The following PRKCG variants were observed in gnomAD, a reference collection of about 807,000 sequenced individuals.
The protein encoded by PRKCG is protein kinase C gamma.
In PRKCG, 28 loss-of-function variants were observed where a neutral mutation model predicts 82.0. The observed-to-expected ratio is 0.34, with a 90% CI of 0.25 to 0.47. The LOEUF (loss-of-function observed/expected upper bound fraction) is 0.47, where lower values mean the gene tolerates loss of function less well. Ranked by LOEUF, PRKCG falls within the 20% of genes least tolerant of loss-of-function variation. The probability of loss-of-function intolerance (pLI) is 1.00; values close to 1 mark genes in which losing one functional copy is unlikely to be tolerated. For missense variants in PRKCG, 640 were observed against 952.7 expected, an observed-to-expected ratio of 0.67 and a Z score of 4.32; for synonymous variants, 383 against 376.6, an observed-to-expected ratio of 1.02 and a Z score of -0.20.
intron 9 of PRKCG, among the ~76,000 whole-genome samples, chr19:53,894,300 G>C (rs903476253): frequency 6.0e-5 from 9 of 151,102 alleles, no homozygotes; most frequent in Non-Finnish European, 8.9e-5. Flanking sequence ...CTCCTGACCT[G>C]GTGATCCACC....
At chr19:53,903,220 G>A in intron 15 of PRKCG, 67 bp downstream of exon 15, 3 of 1,302,906 alleles carry the variant, frequency 2.3e-6, no homozygotes, top group South Asian at 2.4e-5. Context: ...GATCTCAGGA[G>A]GAGCCAGTTA....
At position 53,884,009 on chromosome 19, in the gene PRKCG, T is replaced by TCTCTCTGTTGGA. The variant is rs1470014754; in HGVS notation, c.203-143_203-132dup. The TCTCTCTGTTGGA allele has an allele frequency of 2.4e-5, 18 of 760,656 alleles. No homozygotes were observed. The African/African-American group carries it at 3.0e-4, about 12-fold the overall frequency. 47.1% of individuals were successfully genotyped at this position (760,656 alleles called of 1,614,324 possible). ...TGCTTCTCTCTCTGGCCTCCGATTTTCTCTCTGTTGGACTCTCTGTGTTGA... is the reference window on the plus strand; with the variant it reads ...TGCTTCTCTCTCTGGCCTCCGATTTTCTCTCTGTTGGACTCTCTGTTGGACTCTCTGTGTTGA... On this transcript the variant is annotated intron_variant, in intron 2 of 17. Coordinates refer to ENST00000263431, the MANE Select transcript of PRKCG (RefSeq NM_002739.5). The surrounding 1 kb of genome is among the most constrained non-coding windows in gnomAD (Gnocchi z 4.6).
In PRKCG at chr19:53,889,944, G is replaced by T; in HGVS notation, c.456G>T (p.Val152=). Residue 152 remains valine, a synonymous_variant, in exon 5 of 18, where the codon GTG becomes GTT. Transcript: ENST00000263431. The surrounding 1 kb of genome is among the most constrained non-coding windows in gnomAD (Gnocchi z 4.4). ...GTAGCGTGCCCTCCCTGTGCGGTGTGGACCACACCGAGCGCCGCGGGCGCC... is the reference window on the plus strand; with the variant it reads ...GTAGCGTGCCCTCCCTGTGCGGTGTTGACCACACCGAGCGCCGCGGGCGCC... ...CVRSVPSLCG[V]DHTERRGRLQ... 1.3e-6 allele frequency: 2 copies of T among 1,579,856 alleles called. No individual in the cohort carries two copies. The highest frequency in any genetic ancestry group is 1.7e-6 in the Non-Finnish European group (2 of 1,164,028).
At chr19:53,905,198 C>T (rs2068792657) in intron 16 of PRKCG, among the ~76,000 whole-genome samples, 1 of 152,174 alleles carries the variant, frequency 6.6e-6, no homozygotes, top group African/African-American at 2.4e-5. Flanking sequence ...TCTAGCTGCT[C>T]TCTCTGCATC....
chr19:53,893,896 G>C (rs1361959810), intron 9 of PRKCG, among the ~76,000 whole-genome samples: 1 of 151,740 alleles, frequency 6.6e-6, no homozygotes, highest in African/African-American at 2.4e-5. Context: ...TGGGATTACA[G>C]GTGACCGCCA....
At chr19:53,894,020 G>T (rs1219485977) in intron 9 of PRKCG, among the ~76,000 whole-genome samples, 1 of 151,966 alleles carries the variant, frequency 6.6e-6, no homozygotes, top group Non-Finnish European at 1.5e-5. Flanking sequence ...GCCTCCCAAA[G>T]TGCTGGGATT....
In PRKCG at chr19:53,882,546, C is replaced by T. The variant is rs373811855; in HGVS notation, c.52C>T (p.Leu18=). ...CGATTCAGAGGGGGGACCCCGGCCC[C>T]TGTTTTGCAGAAAGGGGGCCCTGAG... ...VGDSEGGPRP[L]FCRKGALRQK... The change falls in exon 1 of 18, where the codon CTG becomes TTG. Residue 18 remains leucine (L), a synonymous_variant. Transcript: ENST00000263431. This position sits in a 1 kb window ranked among gnomAD's most constrained non-coding sequence, Gnocchi z 6.1. 2 of 1,614,078 alleles carry T rather than the reference C, an allele frequency of 1.2e-6. No individual in the cohort carries two copies. The highest frequency in any genetic ancestry group is 1.7e-5 in the Admixed American group (1 of 59,998).
Position 53,892,795 on chromosome 19 carries a change from C to CACACAA in PRKCG, c.821+156_821+157insAAACAC. 8.5e-7 allele frequency: 1 copy of CACACAA among 1,183,220 alleles called. No individual in the cohort carries two copies. The highest frequency in any genetic ancestry group is 1.2e-6 in the Non-Finnish European group (1 of 837,246). 73.3% of individuals were successfully genotyped at this position (1,183,220 alleles called of 1,614,324 possible). On this transcript the variant is annotated intron_variant, in intron 7 of 17. Coordinates refer to ENST00000263431, the MANE Select transcript of PRKCG (RefSeq NM_002739.5). This position sits in a 1 kb window ranked among gnomAD's most constrained non-coding sequence, Gnocchi z 5.9. The stretch of plus-strand genomic sequence containing the variant: ...ACACACACACACGCACACACACGCA[C>CACACAA]ACACCCCTCTCTCTCTATTCTTCTC...
chr19:53,900,863 G>A lies in PRKCG; in HGVS notation c.1575+114G>A. ...ACCCTCAGACCTTGTCATGAGTTGT[G>A]GCCTTCTTACACAGCCAGTCGTTCC... is the stretch of plus-strand genomic sequence containing the variant. On this transcript the variant is annotated intron_variant, in intron 14 of 17. Coordinates refer to ENST00000263431, the MANE Select transcript of PRKCG (RefSeq NM_002739.5). The surrounding 1 kb of genome is among the most constrained non-coding windows in gnomAD (Gnocchi z 4.2). 6.4e-7 allele frequency: 1 copy of A among 1,553,448 alleles called. No homozygotes were observed. Among genetic ancestry groups the A allele is most frequent in the Non-Finnish European group, 8.8e-7 (1 of 1,136,774 alleles).
rs1186775040 is a variant in PRKCG at position 53,906,022 on chromosome 19, T to C, written c.1765-295T>C. On this transcript the variant is annotated intron_variant, in intron 16 of 17. Coordinates refer to ENST00000263431, the MANE Select transcript of PRKCG (RefSeq NM_002739.5). ...CTCTCTCTGTCTCGCTCTCTGTCTG[T>C]CTCCCTCCTCCTCCTCCTCCCTCCT... Among the ~76,000 whole-genome samples, 113 of 85,482 alleles carry C rather than the reference T, an allele frequency of 1.3e-3. 3 individuals carry two copies. Among genetic ancestry groups the C allele is most frequent in the African/African-American group, 7.2e-3 (109 of 15,096 alleles). 56.1% of individuals were successfully genotyped at this position (85,482 alleles called of 152,430 possible).
chr19:53,889,954 G>T lies in PRKCG; in HGVS notation c.466G>T (p.Glu156Ter). The change falls in exon 5 of 18, where the codon GAG becomes TAG. Residue 156 changes from glutamate (E) to a stop codon, truncating the protein, a stop_gained. Transcript: ENST00000263431. LOFTEE classifies it high-confidence loss of function. This position sits in a 1 kb window ranked among gnomAD's most constrained non-coding sequence, Gnocchi z 4.4. ...VPSLCGVDHTERRGRLQLEIR... is the reference protein window; with the variant it reads ...VPSLCGVDHT ...CTCCCTGTGCGGTGTGGACCACACCGAGCGCCGCGGGCGCCTGCAGCTGGA... is the reference window on the plus strand; with the variant it reads ...CTCCCTGTGCGGTGTGGACCACACCTAGCGCCGCGGGCGCCTGCAGCTGGA... 6.3e-7 allele frequency: 1 copy of T among 1,577,080 alleles called. No individual in the cohort carries two copies. Among genetic ancestry groups the T allele is most frequent in the East Asian group, 2.3e-5 (1 of 42,580 alleles).
At position 53,883,166 on chromosome 19, in the gene PRKCG, T is replaced by C. The variant is rs751478905; in HGVS notation, c.174T>C (p.Gly58=). The stretch of plus-strand genomic sequence containing the variant: ...CTAGGATCCCTGACTCTTCCAGGGG[T>C]ATCGGAAAGCAGGGCCTGCAATGTC... ...FCSHCTDFIW[G]IGKQGLQCQV... is the part of the protein sequence containing the mutation. Residue 58 remains glycine, a synonymous_variant, in exon 2 of 18, where the codon GGT becomes GGC. Coordinates refer to ENST00000263431, the MANE Select transcript of PRKCG (RefSeq NM_002739.5). This position sits in a 1 kb window ranked among gnomAD's most constrained non-coding sequence, Gnocchi z 5.4. 9 of 1,613,234 alleles carry C rather than the reference T, an allele frequency of 5.6e-6. No homozygotes were observed. The highest frequency in any genetic ancestry group is 2.2e-5 in the South Asian group (2 of 91,038).
chr19:53,886,319 T>TG (rs2068631094), intron 3 of PRKCG, among the ~76,000 whole-genome samples: 1 of 151,972 alleles, frequency 6.6e-6, no homozygotes, highest in Non-Finnish European at 1.5e-5. Context: ...CTGGCCAAGC[T>TG]GGTCTTGCTC....
In PRKCG at chr19:53,906,746, C is replaced by T. The variant is rs2068815211; in HGVS notation, c.1945C>T (p.Arg649Trp). Residue 649 changes from arginine (R) to tryptophan (W), a missense_variant, in exon 18 of 18, where the codon CGG becomes TGG. Arg to Trp is a moderately radical substitution (Grantham distance 101). Coordinates refer to ENST00000263431, the MANE Select transcript of PRKCG (RefSeq NM_002739.5). ...SGENFDKFFT[R>W]AAPALTPPDR... is the part of the protein sequence containing the mutation. Reference sequence around the variant, plus strand: ...CGAGAACTTTGACAAGTTCTTCACGCGGGCGGCGCCAGCGCTGACCCCTCC... The same window carrying T: ...CGAGAACTTTGACAAGTTCTTCACGTGGGCGGCGCCAGCGCTGACCCCTCC... The T allele has an allele frequency of 6.2e-7, 1 of 1,613,276 alleles. No individual in the cohort carries two copies. Among genetic ancestry groups the T allele is most frequent in the Non-Finnish European group, 8.5e-7 (1 of 1,180,026 alleles).
chr19:53,882,328 C>T lies in PRKCG; in HGVS notation c.-167C>T. On this transcript the variant is annotated 5_prime_UTR_variant, in exon 1 of 18. Coordinates refer to ENST00000263431, the MANE Select transcript of PRKCG (RefSeq NM_002739.5). The surrounding 1 kb of genome is among the most constrained non-coding windows in gnomAD (Gnocchi z 6.1). ...GGCGGAGCCGGCGCGCCCGGGGTGC[C>T]GCTCCCTGCCTGGCGCGCTCCGCAC... is the stretch of plus-strand genomic sequence containing the variant. 2 of 1,032,268 alleles carry T rather than the reference C, an allele frequency of 1.9e-6. No individual in the cohort carries two copies. The highest frequency in any genetic ancestry group is 2.5e-5 in the Admixed American group (1 of 39,818). The allele number at this position is 1,032,268 out of a possible 1,614,324, so 63.9% of individuals were successfully genotyped here. A position where few individuals can be genotyped will look rare whatever the true frequency, so the allele number is the denominator to read the frequency against.
intron 16 of PRKCG, among the ~76,000 whole-genome samples, chr19:53,905,931 TCTCA>T (rs1568763505): frequency 7.0e-6 from 1 of 142,874 alleles, no homozygotes; most frequent in African/African-American, 2.7e-5. Flanking sequence ...TCTCTCTCTC[TCTCA>T]CTCACTCTCA....
At chr19:53,903,857 T>C (rs1455006063) in intron 15 of PRKCG, among the ~76,000 whole-genome samples, 2 of 152,216 alleles carry the variant, frequency 1.3e-5, no homozygotes, top group African/African-American at 2.4e-5. Context: ...TGTCTAAATA[T>C]TTAAAATTGG....
At position 53,900,553 on chromosome 19, in the gene PRKCG, T is replaced by C. The variant is rs1051249601; in HGVS notation, c.1437-58T>C. 1 of 1,614,094 alleles carries C rather than the reference T, an allele frequency of 6.2e-7. No individual in the cohort carries two copies. The highest frequency in any genetic ancestry group is 8.5e-7 in the Non-Finnish European group (1 of 1,180,048). ...GGGAAGGGATTTGAATATGTGGCTC[T>C]AGACTGCTGAACTCAACACTTCTTG... On this transcript the variant is annotated intron_variant, in intron 13 of 17. Coordinates refer to ENST00000263431, the MANE Select transcript of PRKCG (RefSeq NM_002739.5). The surrounding 1 kb of genome is among the most constrained non-coding windows in gnomAD (Gnocchi z 4.2).
At position 53,898,177 on chromosome 19, in the gene PRKCG, AG is replaced by A. The variant is rs1206195427; in HGVS notation, c.1092+69del. ...TGGGAAGGTCAGATTTCTGGTTCTT[AG>A]GGAGGAAGTGGGGGTGGGAAGAGAC... On this transcript the variant is annotated intron_variant, in intron 10 of 17. Transcript: ENST00000263431. 6.9e-6 allele frequency: 11 copies of A among 1,584,492 alleles called. No individual in the cohort carries two copies. In the African/African-American group the frequency reaches 1.5e-4, roughly 21 times the overall value.
Sources: gnomAD v4.1 joint callset for allele counts (sites outside exome capture counted in the v4.1 genomes callset) on GRCh38, gnomAD v4.1.1 for gene constraint, Gnocchi (gnomAD v3.1) non-coding constraint, MANE v1.5 for transcripts, NCBI Gene and HGNC (gene_info 2026-07-23, HGNC 2026-07-21) for gene names.